SERGEF: variants seen among roughly 807,000 people sequenced by gnomAD.
SERGEF encodes the protein secretion-regulating guanine nucleotide exchange factor.
A neutral mutation model predicts 50.0 loss-of-function variants in SERGEF; 51 were observed. The ratio of observed to expected loss-of-function variants is 1.02; its 90% CI spans 0.81 to 1.29. SERGEF has a LOEUF of 1.29. Among genes scored for constraint, SERGEF ranks in the 50% most tolerant of loss-of-function variants. The pLI, the probability that SERGEF is intolerant of heterozygous loss-of-function variation, is 0.00. For missense variants in SERGEF, 521 were observed against 557.0 expected (o/e 0.94, Z 0.65); for synonymous variants, 205 against 212.4 (o/e 0.97, Z 0.30).
chr11:17,943,007 G>A (rs771010729), intron 9 of SERGEF, among the ~76,000 whole-genome samples: 36 of 151,876 alleles, frequency 2.4e-4, no homozygotes, highest in Non-Finnish European at 4.7e-4. Context: ...CTAATATTTT[G>A]TTGCAGATTT....
intron 7 of SERGEF, among the ~76,000 whole-genome samples, chr11:17,989,124 G>A (rs1853657678): frequency 6.6e-6 from 1 of 152,080 alleles, no homozygotes; most frequent in South Asian, 2.1e-4. Context: ...TGAAAAAAAT[G>A]CTTTAAATTT....
At chr11:17,877,376 AG>A (rs1239779163) in intron 10 of SERGEF, among the ~76,000 whole-genome samples, 1 of 152,220 alleles carries the variant, frequency 6.6e-6, no homozygotes, top group East Asian at 1.9e-4. Flanking sequence ...ATATAATATC[AG>A]GTAATAATAA....
At chr11:17,903,268 A>C (rs1156338372) in intron 9 of SERGEF, among the ~76,000 whole-genome samples, 3 of 150,602 alleles carry the variant, frequency 2.0e-5, no homozygotes, top group African/African-American at 7.3e-5. Flanking sequence ...GGAAGCCTAC[A>C]TGATATGATG....
intron 7 of SERGEF, among the ~76,000 whole-genome samples, chr11:17,992,466 G>T (rs1004962428): frequency 6.6e-6 from 1 of 152,098 alleles, no homozygotes; most frequent in African/African-American, 2.4e-5. Context: ...CACCAAAATA[G>T]ATTAGATGGA....
intron 10 of SERGEF, among the ~76,000 whole-genome samples, chr11:17,858,692 C>A (rs931950492): frequency 2.6e-5 from 4 of 152,040 alleles, no homozygotes; most frequent in African/African-American, 9.7e-5. Flanking sequence ...AAGACCACAT[C>A]AAACTGGACA....
intron 10 of SERGEF, among the ~76,000 whole-genome samples, chr11:17,843,771 C>G (rs1701621451): frequency 1.3e-5 from 2 of 152,132 alleles, no homozygotes; most frequent in Admixed American, 6.5e-5. Context: ...GATACAGCCC[C>G]TCCTCCTCAG....
At chr11:17,902,909 T>G (rs1196592238) in intron 9 of SERGEF, among the ~76,000 whole-genome samples, 1 of 152,214 alleles carries the variant, frequency 6.6e-6, no homozygotes, top group Non-Finnish European at 1.5e-5. Context: ...TTTCCTTCCT[T>G]ACACTAACAA....
intron 10 of SERGEF, among the ~76,000 whole-genome samples, chr11:17,859,706 C>T (rs1210807853): frequency 6.6e-6 from 1 of 151,604 alleles, no homozygotes; most frequent in Non-Finnish European, 1.5e-5. Context: ...TGGCAACGTA[C>T]AAAGAAACAG....
At chr11:17,818,976 C>T (rs1850026919) in intron 10 of SERGEF, among the ~76,000 whole-genome samples, 1 of 152,244 alleles carries the variant, frequency 6.6e-6, no homozygotes, top group African/African-American at 2.4e-5. Flanking sequence ...GTATCACCTC[C>T]TCCTTCCCAG....
intron 9 of SERGEF, among the ~76,000 whole-genome samples, chr11:17,945,706 G>C (rs1245408460): frequency 1.3e-5 from 2 of 152,132 alleles, no homozygotes; most frequent in African/African-American, 4.8e-5. Flanking sequence ...CAGCACTTTG[G>C]GAGGCTAAGG....
intron 10 of SERGEF, among the ~76,000 whole-genome samples, chr11:17,810,820 A>C (rs1475852144): frequency 1.3e-5 from 2 of 150,310 alleles, no homozygotes; most frequent in Non-Finnish European, 3.0e-5. Flanking sequence ...AAAAAAAAAA[A>C]CCACCACCAA....
At chr11:17,930,608 A>G (rs946830336) in intron 9 of SERGEF, among the ~76,000 whole-genome samples, 2 of 152,178 alleles carry the variant, frequency 1.3e-5, no homozygotes, top group Non-Finnish European at 2.9e-5. Context: ...TATGCTGTCC[A>G]TAGGTAACTT....
intron 10 of SERGEF, among the ~76,000 whole-genome samples, chr11:17,836,827 CTCT>C (rs1850408834): frequency 6.6e-6 from 1 of 152,114 alleles, no homozygotes; most frequent in Non-Finnish European, 1.5e-5. Flanking sequence ...CTTCCCTGGA[CTCT>C]TCTTTGCCAT....
chr11:17,788,051 TG>T lies in SERGEF; in HGVS notation c.*33del. 1 of 1,475,164 alleles carries T rather than the reference TG, an allele frequency of 6.8e-7. No homozygotes were observed. Among genetic ancestry groups the T allele is most frequent in the East Asian group, 2.3e-5 (1 of 43,386 alleles). The allele number at this position is 1,475,164 out of a possible 1,614,324, so 91.4% of individuals were successfully genotyped here. On this transcript the variant is annotated 3_prime_UTR_variant, in exon 11 of 11. Coordinates refer to ENST00000265965, the MANE Select transcript of SERGEF (RefSeq NM_012139.4). The stretch of plus-strand genomic sequence containing the variant: ...CAAAACAATTCTCTGGGAAGGCTTT[TG>T]GTGGGAAAAGCCACTTTATTAAAGA...
intron 9 of SERGEF, among the ~76,000 whole-genome samples, chr11:17,927,234 C>G (rs1001362736): frequency 6.6e-6 from 1 of 152,180 alleles, no homozygotes; most frequent in Admixed American, 6.5e-5. Flanking sequence ...TTTGGCACCA[C>G]CCACTTCCCC....
intron 10 of SERGEF, among the ~76,000 whole-genome samples, chr11:17,789,462 A>G (rs1160437761): frequency 6.6e-6 from 1 of 152,236 alleles, no homozygotes; most frequent in Non-Finnish European, 1.5e-5. Context: ...GAAAGTGGCC[A>G]AGCCAACATT....
At chr11:17,841,083 G>C (rs779652043) in intron 10 of SERGEF, among the ~76,000 whole-genome samples, 2 of 152,150 alleles carry the variant, frequency 1.3e-5, no homozygotes, top group Non-Finnish European at 2.9e-5. Context: ...CTCTGGTAAG[G>C]AAATAGAACC....
At chr11:17,983,985 C>T (rs187780264) in intron 8 of SERGEF, among the ~76,000 whole-genome samples, 3 of 152,216 alleles carry the variant, frequency 2.0e-5, no homozygotes, top group East Asian at 3.9e-4. Context: ...GGATAGGGAT[C>T]AAGAACTAGC....
At chr11:17,852,571 G>A (rs1235729365) in intron 10 of SERGEF, among the ~76,000 whole-genome samples, 1 of 152,160 alleles carries the variant, frequency 6.6e-6, no homozygotes, top group African/African-American at 2.4e-5. Flanking sequence ...CCTGCCTTAA[G>A]CATGATTATC....
Sources: allele counts gnomAD v4.1 joint callset (sites outside exome capture counted in the v4.1 genomes callset), GRCh38; gene constraint gnomAD v4.1.1; transcripts MANE v1.5; gene names NCBI Gene and HGNC (gene_info 2026-07-23, HGNC 2026-07-21).